Variants in METTL24 observed in about 807,000 individuals in gnomAD.
The protein encoded by METTL24 is methyltransferase like 24, also known as probable methyltransferase-like protein 24.
In METTL24, 29 loss-of-function variants were observed where a neutral mutation model predicts 32.7. The observed-to-expected ratio is 0.89, with a 90% CI of 0.66 to 1.21. The LOEUF (loss-of-function observed/expected upper bound fraction) is 1.21, where lower values mean the gene tolerates loss of function less well. Among genes scored for constraint, METTL24 ranks in the 50% most tolerant of loss-of-function variants. METTL24 has a pLI of 0.00. For synonymous variants in METTL24, 163 were observed against 179.5 expected, an observed-to-expected ratio of 0.91 and a Z score of 0.73; for missense variants, 439 against 468.1, an observed-to-expected ratio of 0.94 and a Z score of 0.57.
chr6:110,293,945 A>C (rs1359233814), intron 4 of METTL24, among the ~76,000 whole-genome samples: 1 of 151,762 alleles, frequency 6.6e-6, no homozygotes, highest in Non-Finnish European at 1.5e-5. Context: ...CCCGACTTTA[A>C]TAAGGATATT....
At chr6:110,353,553 T>C (rs1205132792) in intron 1 of METTL24, among the ~76,000 whole-genome samples, 1 of 150,498 alleles carries the variant, frequency 6.6e-6, no homozygotes, top group Non-Finnish European at 1.5e-5. Flanking sequence ...AGTTCTTTTT[T>C]TTTTTTTTTT....
intron 3 of METTL24, among the ~76,000 whole-genome samples, chr6:110,303,014 G>A (rs750169494): frequency 2.0e-5 from 3 of 152,092 alleles, no homozygotes; most frequent in African/African-American, 2.4e-5. Context: ...CACAGAGGGC[G>A]AGCAGAAGTA....
chr6:110,248,021 C>T (rs942566751), intron 4 of METTL24, among the ~76,000 whole-genome samples: 1 of 152,104 alleles, frequency 6.6e-6, no homozygotes, highest in Admixed American at 6.5e-5. Flanking sequence ...TGAGCTCTAG[C>T]TCTGAGTTCA....
chr6:110,298,551 A>AT (rs60310452), intron 4 of METTL24, among the ~76,000 whole-genome samples: 2,181 of 148,252 alleles, frequency 0.015, 61 homozygotes, highest in East Asian at 0.12. Flanking sequence ...CATAACCCCG[A>AT]TTTTTTTTTT....
chr6:110,289,969 T>C (rs528050571), intron 4 of METTL24, among the ~76,000 whole-genome samples: 1 of 151,742 alleles, frequency 6.6e-6, no homozygotes, highest in South Asian at 2.1e-4. Context: ...TACTTTTTTT[T>C]CTGACAGGGT....
At chr6:110,347,005 C>T (rs148173060) in intron 1 of METTL24, among the ~76,000 whole-genome samples, 1 of 152,146 alleles carries the variant, frequency 6.6e-6, no homozygotes, top group African/African-American at 2.4e-5. Context: ...TTCTTTTTCA[C>T]TTTGATGGCG....
intron 1 of METTL24, among the ~76,000 whole-genome samples, chr6:110,353,674 TTAAATGTCAAG>T (rs1772653975): frequency 6.6e-6 from 1 of 151,676 alleles, no homozygotes; most frequent in East Asian, 1.9e-4. Context: ...ATCCAACATA[TTAAATGTCAAG>T]TAAAATATAT....
intron 1 of METTL24, among the ~76,000 whole-genome samples, chr6:110,328,540 A>G (rs1582428982): frequency 6.6e-6 from 1 of 152,230 alleles, no homozygotes; most frequent in African/African-American, 2.4e-5. Flanking sequence ...AAAGACTGCA[A>G]CAAGCACAGC....
chr6:110,299,227 C>A, intron 3 of METTL24, 77 bp from the exon 4 acceptor site: 2 of 1,275,704 alleles, frequency 1.6e-6, no homozygotes, highest in Non-Finnish European at 2.2e-6. Flanking sequence ...ATGACAGTTC[C>A]AAGGCCAAGG....
intron 1 of METTL24, among the ~76,000 whole-genome samples, chr6:110,343,903 T>C (rs1379459078): frequency 6.6e-6 from 1 of 152,078 alleles, no homozygotes; most frequent in African/African-American, 2.4e-5. Context: ...GGTGAAACAC[T>C]GAGGTAGCAG....
chr6:110,308,222 G>A (rs56798260), intron 3 of METTL24, among the ~76,000 whole-genome samples: 5,144 of 152,300 alleles, frequency 0.034, 191 homozygotes, highest in East Asian at 0.12. Flanking sequence ...CAAATTGTAT[G>A]AAGGTATTCT....
At chr6:110,246,990 A>T (rs1184175396) in intron 4 of METTL24, among the ~76,000 whole-genome samples, 3 of 151,778 alleles carry the variant, frequency 2.0e-5, no homozygotes, top group Non-Finnish European at 2.9e-5. Context: ...CTGCTTATTT[A>T]ATGAACACAA....
intron 2 of METTL24, among the ~76,000 whole-genome samples, chr6:110,318,280 T>A (rs1771862383): frequency 6.6e-6 from 1 of 152,226 alleles, no homozygotes; most frequent in African/African-American, 2.4e-5. Flanking sequence ...TGGACAGATA[T>A]ATCTCTATTG....
At chr6:110,353,551 T>G (rs577920343) in intron 1 of METTL24, among the ~76,000 whole-genome samples, 1 of 150,134 alleles carries the variant, frequency 6.7e-6, no homozygotes, top group African/African-American at 2.4e-5. Flanking sequence ...ACAGTTCTTT[T>G]TTTTTTTTTT....
intron 3 of METTL24, among the ~76,000 whole-genome samples, chr6:110,310,264 C>T (rs780473857): frequency 1.3e-5 from 2 of 152,194 alleles, no homozygotes; most frequent in African/African-American, 4.8e-5. Context: ...CAACCTACTA[C>T]AAAACTAAAA....
intron 3 of METTL24, among the ~76,000 whole-genome samples, chr6:110,313,014 A>G (rs886339488): frequency 9.9e-5 from 15 of 152,230 alleles, no homozygotes; most frequent in Admixed American, 1.3e-4. Flanking sequence ...GAAGAGGATG[A>G]AGTAAAGTTA....
intron 4 of METTL24, among the ~76,000 whole-genome samples, chr6:110,283,226 C>T (rs1286480895): frequency 6.6e-6 from 1 of 152,146 alleles, no homozygotes; most frequent in Non-Finnish European, 1.5e-5. Context: ...ATATCCACTA[C>T]ACTTTTATCT....
chr6:110,349,506 T>C (rs148483782), intron 1 of METTL24, among the ~76,000 whole-genome samples: 1 of 152,332 alleles, frequency 6.6e-6, no homozygotes, highest in African/African-American at 2.4e-5. Context: ...GAGCATTGTT[T>C]GTGACCACAG....
At chr6:110,356,786 G>A (rs559972343) in intron 1 of METTL24, among the ~76,000 whole-genome samples, 13 of 152,390 alleles carry the variant, frequency 8.5e-5, no homozygotes, top group African/African-American at 2.9e-4. Flanking sequence ...TACACAGGAG[G>A]TGAGGTTTGC....
Sources: gnomAD v4.1 joint callset for allele counts (sites outside exome capture counted in the v4.1 genomes callset) on GRCh38, gnomAD v4.1.1 for gene constraint, MANE v1.5 for transcripts, NCBI Gene and HGNC (gene_info 2026-07-23, HGNC 2026-07-21) for gene names.